The following CRPPA variants were observed in gnomAD, a reference collection of about 807,000 sequenced individuals.
The protein encoded by CRPPA is D-ribitol-5-phosphate cytidylyltransferase.
Under a neutral mutation model 52.0 loss-of-function variants are expected in CRPPA, and 43 were observed. That is an observed-to-expected ratio of 0.83 (90% confidence interval 0.65 to 1.07). CRPPA has a LOEUF of 1.07. CRPPA is among the 50% of genes least tolerant of loss of function. CRPPA has a pLI of 0.00. For synonymous variants in CRPPA, 250 were observed against 203.5 expected (o/e 1.23, Z -1.94); for missense variants, 629 against 551.7 (o/e 1.14, Z -1.40).
chr7:16,336,301 G>C (rs117342131), intron 3 of CRPPA, among the ~76,000 whole-genome samples: 3,410 of 152,204 alleles, frequency 0.022, 50 homozygotes, highest in Non-Finnish European at 0.035. Context: ...TGTAGCTGCA[G>C]TAAGTTGTTA....
intron 3 of CRPPA, among the ~76,000 whole-genome samples, chr7:16,313,956 A>C (rs941240539): frequency 2.0e-5 from 3 of 152,046 alleles, no homozygotes; most frequent in Non-Finnish European, 4.4e-5. Context: ...CCATATGAGC[A>C]TGAGAATAAT....
At chr7:16,338,916 C>T (rs980723362) in intron 3 of CRPPA, among the ~76,000 whole-genome samples, 12 of 150,930 alleles carry the variant, frequency 8.0e-5, no homozygotes, top group African/African-American at 1.5e-4. Context: ...CACAGGTTCA[C>T]GCCATTCCTC....
At chr7:16,206,309 A>G (rs2128394842) in intron 9 of CRPPA, among the ~76,000 whole-genome samples, 1 of 152,276 alleles carries the variant, frequency 6.6e-6, no homozygotes, top group South Asian at 2.1e-4. Flanking sequence ...ATATTTTAAT[A>G]CATTTTATAT....
intron 9 of CRPPA, among the ~76,000 whole-genome samples, chr7:16,145,879 A>C: frequency 6.6e-6 from 1 of 152,198 alleles, no homozygotes; most frequent in South Asian, 2.1e-4. Context: ...GAAGCAGAGA[A>C]TGAGAAATGG....
intron 4 of CRPPA, among the ~76,000 whole-genome samples, chr7:16,306,168 C>T (rs985382693): frequency 6.6e-6 from 1 of 152,200 alleles, no homozygotes; most frequent in Non-Finnish European, 1.5e-5. Context: ...AGCAGGACCT[C>T]GTCTTCACTT....
At chr7:16,329,653 C>G (rs865844779) in intron 3 of CRPPA, among the ~76,000 whole-genome samples, 7 of 152,200 alleles carry the variant, frequency 4.6e-5, no homozygotes, top group South Asian at 2.1e-4. Flanking sequence ...TGCCTCTCAT[C>G]AGTAAATTGC....
intron 9 of CRPPA, among the ~76,000 whole-genome samples, chr7:16,127,378 G>A (rs563059078): frequency 1.3e-5 from 2 of 151,778 alleles, no homozygotes; most frequent in Admixed American, 1.3e-4. Context: ...AAATAAGAAG[G>A]TTAAATATTA....
At chr7:16,240,051 G>C (rs890019841) in intron 8 of CRPPA, among the ~76,000 whole-genome samples, 6 of 151,758 alleles carry the variant, frequency 4.0e-5, no homozygotes, top group Non-Finnish European at 8.8e-5. Context: ...ATCTCAGGGA[G>C]TATTCTATAT....
chr7:16,230,927 G>A lies in CRPPA; in HGVS notation c.1120-14730C>T, dbSNP rs536695604. On this transcript the variant is annotated intron_variant, in intron 8 of 9. Coordinates refer to ENST00000407010, the MANE Select transcript of CRPPA (RefSeq NM_001101426.4). Reference sequence around the variant, plus strand: ...TGTTCAGAGGACTGACACAAGTCTGGTGGTGGTATAAGATGGAGATTGAGT... The same window carrying A: ...TGTTCAGAGGACTGACACAAGTCTGATGGTGGTATAAGATGGAGATTGAGT... Among the ~76,000 whole-genome samples, 11 of 152,226 alleles carry A rather than the reference G, an allele frequency of 7.2e-5. 1 individual carries two copies. The highest frequency in any genetic ancestry group is 2.4e-4 in the African/African-American group (10 of 41,542).
chr7:16,387,833 G>A (rs1164857994), intron 2 of CRPPA, among the ~76,000 whole-genome samples: 1 of 152,120 alleles, frequency 6.6e-6, no homozygotes, highest in African/African-American at 2.4e-5. Flanking sequence ...AACAACAGCA[G>A]AATACCTATT....
At chr7:16,157,254 A>G (rs1783201815) in intron 9 of CRPPA, among the ~76,000 whole-genome samples, 2 of 151,784 alleles carry the variant, frequency 1.3e-5, no homozygotes, top group Admixed American at 1.3e-4. Flanking sequence ...CTGATTTGGA[A>G]GGACAAAAGT....
chr7:16,143,639 T>C (rs1420067277), intron 9 of CRPPA, among the ~76,000 whole-genome samples: 2 of 152,216 alleles, frequency 1.3e-5, no homozygotes, highest in South Asian at 2.1e-4. Flanking sequence ...TCTGTAGTTA[T>C]GTATAAAGCA....
chr7:16,408,535 T>G (rs1202672269), intron 1 of CRPPA, among the ~76,000 whole-genome samples: 1 of 152,078 alleles, frequency 6.6e-6, no homozygotes, highest in African/African-American at 2.4e-5. Flanking sequence ...ACTTTAATCC[T>G]AAAAAGAGGA....
rs567402031 is a variant in CRPPA at position 16,210,755 on chromosome 7, C to T, written c.1251+5311G>A. On this transcript the variant is annotated intron_variant, in intron 9 of 9. Coordinates refer to ENST00000407010, the MANE Select transcript of CRPPA (RefSeq NM_001101426.4). ...AACAAATGCACTGTTTAAAGAAATT[C>T]GCTCATTAAAAATTTCCATGGCAGT... 3.1e-4 allele frequency among the ~76,000 whole-genome samples: 47 copies of T among 151,936 alleles called. No homozygotes were observed. In the East Asian group the frequency reaches 7.0e-3, roughly 23 times the overall value.
At chr7:16,417,292 G>A (rs1788217244) in intron 1 of CRPPA, among the ~76,000 whole-genome samples, 1 of 152,124 alleles carries the variant, frequency 6.6e-6, no homozygotes. Context: ...CTCATTAGTG[G>A]GTATATATCC....
chr7:16,149,622 A>T lies in CRPPA; in HGVS notation c.1252-57823T>A, dbSNP rs532924086. On this transcript the variant is annotated intron_variant, in intron 9 of 9. Transcript: ENST00000407010. ...TATTATGTAGCATGCCTCTAAGCTA[A>T]ATTCTGAAGGTAACTAGCAAGTTGA... Among the ~76,000 whole-genome samples, 23 of 152,334 alleles carry T rather than the reference A, an allele frequency of 1.5e-4. No homozygotes were observed. The South Asian group carries it at 4.8e-3, about 32-fold the overall frequency.
At chr7:16,118,604 T>C (rs76570626) in intron 9 of CRPPA, among the ~76,000 whole-genome samples, 1,749 of 152,248 alleles carry the variant, frequency 0.011, 33 homozygotes, top group African/African-American at 0.039. Context: ...ATCAATAAAA[T>C]GTTGGACAAA....
chr7:16,321,016 G>A (rs966725916), intron 3 of CRPPA, among the ~76,000 whole-genome samples: 11 of 152,110 alleles, frequency 7.2e-5, no homozygotes, highest in Admixed American at 2.6e-4. Flanking sequence ...TTATATTCAC[G>A]AGAAGTTTTC....
chr7:16,346,401 G>C (rs567209759), intron 3 of CRPPA, among the ~76,000 whole-genome samples: 3 of 152,204 alleles, frequency 2.0e-5, no homozygotes, highest in Admixed American at 2.0e-4. Flanking sequence ...AGAGGATAAG[G>C]AAAAGAGCTG....
Sources: allele counts gnomAD v4.1 joint callset (sites outside exome capture counted in the v4.1 genomes callset), GRCh38; gene constraint gnomAD v4.1.1; transcripts MANE v1.5; gene names NCBI Gene and HGNC (gene_info 2026-07-23, HGNC 2026-07-21).